Variants in PDCD6 observed in about 807,000 individuals in gnomAD.
PDCD6 encodes programmed cell death protein 6.
Under a neutral mutation model 28.3 loss-of-function variants are expected in PDCD6, and 12 were observed. The ratio of observed to expected loss-of-function variants is 0.42; its 90% CI spans 0.27 to 0.69. The LOEUF (loss-of-function observed/expected upper bound fraction) is 0.69. Among genes scored for constraint, PDCD6 ranks in the 30% least tolerant of loss-of-function variants. The pLI is 0.22. For synonymous variants in PDCD6, 92 were observed against 108.0 expected (o/e 0.85, Z 0.92); for missense variants, 226 against 269.9 (o/e 0.84, Z 1.14).
chr5:283,897 C>G (rs956202161), intron 2 of PDCD6, among the ~76,000 whole-genome samples: 2 of 150,810 alleles, frequency 1.3e-5, no homozygotes, highest in East Asian at 2.0e-4. Context: ...AGCTGATGTT[C>G]TAGTTTGAGG....
intron 2 of PDCD6, among the ~76,000 whole-genome samples, chr5:291,057 CTG>C (rs1446540732): frequency 1.3e-5 from 2 of 152,178 alleles, no homozygotes; most frequent in Non-Finnish European, 2.9e-5. Context: ...AGAAACATAA[CTG>C]TGGATGCTCC....
Position 307,539 on chromosome 5 carries a change from T to C in PDCD6, c.367+779T>C, listed in dbSNP as rs964896167. Among the ~76,000 whole-genome samples, 2 of 152,176 alleles carry C rather than the reference T, an allele frequency of 1.3e-5. No individual in the cohort carries two copies. Among genetic ancestry groups the C allele is most frequent in the South Asian group, 4.1e-4 (2 of 4,826 alleles). The stretch of plus-strand genomic sequence containing the variant: ...CGTCCATAGGGCCTGTCCACGGGGC[T>C]TCCCGTGCTGCTCTCAGGGCTGAGA... On this transcript the variant is annotated intron_variant, in intron 4 of 5. Transcript: ENST00000264933. This position sits in a 1 kb window ranked among gnomAD's most constrained non-coding sequence, Gnocchi z 6.1.
In PDCD6 at chr5:271,710, T is replaced by G; in HGVS notation, c.-11T>G. ...CTGCAGGCGCCTCAGCCCAGCCGCG[T>G]GCCTTGGCCCATGGCCGCCTACTCT... is the stretch of plus-strand genomic sequence containing the variant. On this transcript the variant is annotated 5_prime_UTR_variant, in exon 1 of 6. Coordinates refer to ENST00000264933, the MANE Select transcript of PDCD6 (RefSeq NM_013232.4). 1.3e-6 allele frequency: 2 copies of G among 1,510,166 alleles called. No individual in the cohort carries two copies. Among genetic ancestry groups the G allele is most frequent in the South Asian group, 1.2e-5 (1 of 84,836 alleles). 93.5% of individuals were successfully genotyped at this position (1,510,166 alleles called of 1,614,324 possible).
chr5:302,412 GTTCAGGTGCAC>G, intron 2 of PDCD6, among the ~76,000 whole-genome samples: 1 of 105,074 alleles, frequency 9.5e-6, no homozygotes, highest in African/African-American at 6.7e-5. Context: ...TATGCCTCAG[GTTCAGGTGCAC>G]CTGCCTTTGT....
rs112902461 is a variant in PDCD6, at chr5:303,921, C to T, written c.164-256C>T. Among the ~76,000 whole-genome samples the T allele has an allele frequency of 7.9e-3, 1,196 of 151,532 alleles. 6 individuals carry two copies. The highest frequency in any genetic ancestry group is 0.013 in the Non-Finnish European group (856 of 68,010). Reference sequence around the variant, plus strand: ...TGTTAAATAAGAGTGCATGTCCAGCCGCGATGACTGTGGACGGCCTTGGAG... The same window carrying T: ...TGTTAAATAAGAGTGCATGTCCAGCTGCGATGACTGTGGACGGCCTTGGAG... On this transcript the variant is annotated intron_variant, in intron 2 of 5. Coordinates refer to ENST00000264933, the MANE Select transcript of PDCD6 (RefSeq NM_013232.4).
intron 2 of PDCD6, among the ~76,000 whole-genome samples, chr5:273,712 C>T (rs112155741): frequency 2.0e-5 from 3 of 152,162 alleles, no homozygotes; most frequent in East Asian, 3.8e-4. Context: ...CTGGATTCAG[C>T]CTTACTGCCT....
intron 5 of PDCD6, among the ~76,000 whole-genome samples, chr5:314,161 GGTCAGGGGCTCA>G (rs953157026): frequency 3.3e-5 from 5 of 152,228 alleles, no homozygotes; most frequent in African/African-American, 1.2e-4. Context: ...CAGAGCCTGG[GGTCAGGGGCTCA>G]GCCAGGGGCT....
At chr5:271,889 C>T in intron 1 of PDCD6, 68 bp downstream of exon 1, 3 of 790,928 alleles carry the variant, frequency 3.8e-6, no homozygotes, top group Non-Finnish European at 5.4e-6. Context: ...GTCCCGACTC[C>T]CCCGACCAAC....
At chr5:289,360 G>T (rs112190917) in intron 2 of PDCD6, 1 of 571,136 alleles carries the variant, frequency 1.8e-6, no homozygotes. Context: ...ATGAATACAA[G>T]AATTTGAGGA....
At chr5:273,692 TGGG>T (rs56171019) in intron 2 of PDCD6, among the ~76,000 whole-genome samples, 4 of 151,700 alleles carry the variant, frequency 2.6e-5, no homozygotes, top group African/African-American at 7.3e-5. Flanking sequence ...GCGCTGTGGG[TGGG>T]GGGGTGCTGG....
At chr5:272,499 A>G (rs1403668784) in intron 1 of PDCD6, among the ~76,000 whole-genome samples, 1 of 140,684 alleles carries the variant, frequency 7.1e-6, no homozygotes, top group East Asian at 2.0e-4. Context: ...GGAAGGATTG[A>G]GGTGAAGATG....
At chr5:308,610 G>A (rs1740687862) in intron 4 of PDCD6, 1 of 152,218 alleles carries the variant, frequency 6.6e-6, no homozygotes, top group African/African-American at 2.4e-5. Context: ...TGATGATTTT[G>A]AAAGATTTCC....
In PDCD6 at chr5:306,614, G is replaced by A. The variant is rs776970258; in HGVS notation, c.221G>A (p.Arg74His). 13 of 1,613,650 alleles carry A rather than the reference G, an allele frequency of 8.1e-6. No individual in the cohort carries two copies. The highest frequency in any genetic ancestry group is 1.7e-4 in the Middle Eastern group (1 of 6,056). The change falls in exon 4 of 6, where the codon CGT (arginine) becomes CAT (histidine). Residue 74 changes from arginine (R) to histidine (H), a missense_variant. Arg to His is a conservative substitution (Grantham distance 29). Around this residue, in one of 3 missense-constraint regions of PDCD6, gnomAD observed 151 missense variants for 177.2 expected, o/e 0.85. Coordinates refer to ENST00000264933, the MANE Select transcript of PDCD6 (RefSeq NM_013232.4). ...CTCTCTGTCTCAGCCATGTTTGACC[G>A]TGAGAACAAGGCCGGCGTGAACTTC... ...TVRSIISMFD[R>H]ENKAGVNFSE... is the part of the protein sequence containing the mutation.
In PDCD6 at chr5:305,310, C is replaced by T. The variant is rs1200431574; in HGVS notation, c.208+1089C>T. The T allele has an allele frequency of 6.6e-6, 1 of 152,326 alleles. No individual in the cohort carries two copies. Among genetic ancestry groups the T allele is most frequent in the Admixed American group, 6.5e-5 (1 of 15,284 alleles). The allele number at this position is 152,326 out of a possible 1,614,324, so 9.4% of individuals were successfully genotyped here. A position where few individuals can be genotyped will look rare whatever the true frequency, so the allele number is the denominator to read the frequency against. On this transcript the variant is annotated intron_variant, in intron 3 of 5. Coordinates refer to ENST00000264933, the MANE Select transcript of PDCD6 (RefSeq NM_013232.4). The surrounding 1 kb of genome is among the most constrained non-coding windows in gnomAD (Gnocchi z 4.0). ...CTCATTCCCTCGCCTCCCATCCATG[C>T]ACGTGTTTTAGTCTTGTGAGGATTC... is the stretch of plus-strand genomic sequence containing the variant.
intron 2 of PDCD6, among the ~76,000 whole-genome samples, chr5:275,365 C>A (rs965203992): frequency 6.6e-6 from 1 of 152,356 alleles, no homozygotes; most frequent in South Asian, 2.1e-4. Context: ...CACACACCTG[C>A]TGCGGGGCAG....
At position 289,532 on chromosome 5, in the gene PDCD6, A is replaced by G; in HGVS notation, c.164-14645A>G. ...ACCATAACCGAAGAAATTTCGCTGC[A>G]AGTCGCTTGAATGGCTGTTTCTCTG... On this transcript the variant is annotated intron_variant, in intron 2 of 5. Transcript: ENST00000264933. The G allele has an allele frequency of 5.4e-6, 4 of 740,910 alleles. No homozygotes were observed. The South Asian group carries it at 6.1e-5, about 11-fold the overall frequency. 45.9% of individuals were successfully genotyped at this position (740,910 alleles called of 1,614,324 possible). A position where few individuals can be genotyped will look rare whatever the true frequency, so the allele number is the denominator to read the frequency against.
chr5:285,331 C>T (rs889103054), intron 2 of PDCD6, among the ~76,000 whole-genome samples: 6 of 147,454 alleles, frequency 4.1e-5, no homozygotes, highest in Non-Finnish European at 6.0e-5. Context: ...GGATACCCGG[C>T]TGGGAGCTGA....
chr5:311,246 C>T (rs752867008), intron 4 of PDCD6, 47 bp from the exon 5 acceptor site: 5 of 1,426,938 alleles, frequency 3.5e-6, no homozygotes, highest in East Asian at 4.6e-5. Context: ...TGGCACATAC[C>T]TCCCGTCTCT....
At chr5:294,978 C>T (rs989693149) in intron 2 of PDCD6, among the ~76,000 whole-genome samples, 2 of 152,004 alleles carry the variant, frequency 1.3e-5, no homozygotes, top group African/African-American at 4.8e-5. Context: ...ACAGTGCTAC[C>T]GTGTTGGGGA....
Sources: gnomAD v4.1 joint callset for allele counts (sites outside exome capture counted in the v4.1 genomes callset) on GRCh38, gnomAD v4.1.1 for gene constraint, gnomAD v4.1.1 regional missense constraint, Gnocchi (gnomAD v3.1) non-coding constraint, MANE v1.5 for transcripts, NCBI Gene and HGNC (gene_info 2026-07-23, HGNC 2026-07-21) for gene names.